The following GCAT variants were observed in gnomAD, a reference collection of about 807,000 sequenced individuals.
The protein encoded by GCAT is 2-amino-3-ketobutyrate coenzyme A ligase, mitochondrial.
A neutral mutation model predicts 39.7 loss-of-function variants in GCAT; 26 were observed. The observed-to-expected ratio is 0.65, with a 90% CI of 0.48 to 0.91. The LOEUF (loss-of-function observed/expected upper bound fraction) is 0.91, where lower values mean the gene tolerates loss of function less well. Among genes scored for constraint, GCAT ranks in the 40% least tolerant of loss-of-function variants. The pLI is 0.00. For synonymous variants in GCAT, 218 were observed against 237.2 expected (o/e 0.92, Z 0.74); for missense variants, 550 against 576.2 (o/e 0.95, Z 0.47).
chr22:37,815,500 G>A lies in GCAT; in HGVS notation c.814G>A (p.Gly272Arg), dbSNP rs768484907. 2 of 1,604,420 alleles carry A rather than the reference G, an allele frequency of 1.2e-6. No individual in the cohort carries two copies. Among genetic ancestry groups the A allele is most frequent in the Admixed American group, 3.4e-5 (2 of 59,100 alleles). The change falls in exon 6 of 9, where the codon GGG (glycine) becomes AGG (arginine). Residue 272 changes from glycine (G) to arginine (R), a missense_variant and splice_region_variant. Physicochemically the swap from Gly to Arg is moderately radical, Grantham distance 125 (BLOSUM62 -2). This residue lies in a region of GCAT where 378 missense variants were observed against 390.4 expected (regional missense o/e 0.97). Transcript: ENST00000248924. The stretch of plus-strand genomic sequence containing the variant: ...GGGGAAGGCCCTGGGTGGAGCATCA[G>A]GTACCTGCAAGGTTGTGTCCCTGGG... ...TLGKALGGASGGYTTGPGPLV... is the reference protein window; with the variant it reads ...TLGKALGGASRGYTTGPGPLV...
chr22:37,808,729 C>G (rs1191655915), intron 1 of GCAT, among the ~76,000 whole-genome samples: 1 of 152,114 alleles, frequency 6.6e-6, no homozygotes, highest in Non-Finnish European at 1.5e-5. Context: ...CTCTGTCGCC[C>G]AGGCTGGAGT....
downstream of GCAT, chr22:37,817,005 C>A: frequency 4.0e-5 from 13 of 327,444 alleles, no homozygotes; most frequent in South Asian, 9.6e-5. Context: ...CTGCAGATCT[C>A]CACTGACCTC....
At chr22:37,808,372 G>C (rs1003802280) in intron 1 of GCAT, among the ~76,000 whole-genome samples, 1 of 152,234 alleles carries the variant, frequency 6.6e-6, no homozygotes, top group Non-Finnish European at 1.5e-5. Flanking sequence ...AAGAAAACCC[G>C]CATTTCTTGA....
intron 2 of GCAT, among the ~76,000 whole-genome samples, chr22:37,811,540 A>C (rs1921594253): frequency 6.6e-6 from 1 of 151,680 alleles, no homozygotes; most frequent in Admixed American, 6.6e-5. Flanking sequence ...TGCTCAATGA[A>C]TGTTGGCTAT....
chr22:37,816,707 G>A lies in GCAT; in HGVS notation c.1249G>A (p.Ala417Thr). ...CGTGGAAGTGGGGCGACTGCACGGG[G>A]CACTGCCCTGAGCTCTGGGTAAGGA... ...AFVEVGRLHG[A>T]LP The change falls in exon 9 of 9, where the codon GCA becomes ACA. Residue 417 changes from alanine (A) to threonine (T), a missense_variant. Physicochemically the swap from Ala to Thr is moderately conservative, Grantham distance 58. This residue lies in a region of GCAT where 378 missense variants were observed against 390.4 expected (regional missense o/e 0.97). Transcript: ENST00000248924. 6.2e-7 allele frequency: 1 copy of A among 1,613,972 alleles called. No individual in the cohort carries two copies. Among genetic ancestry groups the A allele is most frequent in the African/African-American group, 1.3e-5 (1 of 75,068 alleles).
chr22:37,813,351 C>A, intron 3 of GCAT, 112 bp from the exon 4 acceptor site: 1 of 1,215,026 alleles, frequency 8.2e-7, no homozygotes, highest in Non-Finnish European at 1.2e-6. Context: ...TGCCTCTCTA[C>A]CCAGAGGAGC....
chr22:37,817,053 G>A (rs891877291), downstream of GCAT: 13 of 238,708 alleles, frequency 5.4e-5, no homozygotes, highest in Admixed American at 4.6e-5. Context: ...GGCCGGGCAC[G>A]GTGGCTCAGG....
intron 2 of GCAT, among the ~76,000 whole-genome samples, chr22:37,810,849 C>T (rs979790823): frequency 2.6e-5 from 4 of 152,040 alleles, no homozygotes; most frequent in African/African-American, 7.2e-5. Context: ...TGGGGTTTCA[C>T]CATGTTGGCC....
rs777361258 is a variant in GCAT, at chr22:37,808,162, A to C, written c.195A>C (p.Gly65=). 4 of 1,492,876 alleles carry C rather than the reference A, an allele frequency of 2.7e-6. No individual in the cohort carries two copies. In the South Asian group the frequency reaches 3.9e-5, roughly 15 times the overall value. The allele number at this position is 1,492,876 out of a possible 1,614,324, so 92.5% of individuals were successfully genotyped here. Residue 65 remains glycine, a splice_region_variant and synonymous_variant, in exon 1 of 9, where the codon GGA becomes GGC. Transcript: ENST00000248924. ...ACATCCGCGTGGACGGCGTCTCCGGAGGTAACGCTCCGTTCCGGGAGTCGT... is the reference window on the plus strand; with the variant it reads ...ACATCCGCGTGGACGGCGTCTCCGGCGGTAACGCTCCGTTCCGGGAGTCGT... ...GPHIRVDGVS[G]GILNFCANNY... is the part of the protein sequence containing the mutation.
chr22:37,816,353 G>T, intron 8 of GCAT, 32 bp downstream of exon 8: 1 of 1,605,020 alleles, frequency 6.2e-7, no homozygotes. Context: ...AACTGGTGGT[G>T]GGTCCTGAGA....
chr22:37,811,575 ATAAATT>A (rs1921598466), intron 2 of GCAT, among the ~76,000 whole-genome samples: 1 of 152,000 alleles, frequency 6.6e-6, no homozygotes, highest in African/African-American at 2.4e-5. Context: ...ATGTTACAAA[ATAAATT>A]TATATAAGTA....
At chr22:37,810,217 C>G in intron 2 of GCAT, 60 bp downstream of exon 2, 2 of 1,293,846 alleles carry the variant, frequency 1.5e-6, no homozygotes, top group Non-Finnish European at 2.2e-6. Context: ...TTCCCACAGT[C>G]AGCAAGGCTG....
At chr22:37,808,217 A>T in intron 1 of GCAT, 54 bp downstream of exon 1, 563 of 1,292,370 alleles carry the variant, frequency 4.4e-4, no homozygotes, top group Middle Eastern at 5.3e-4. Context: ...TTGCGCTGGA[A>T]TGGAGGTCCT....
Position 37,816,259 on chromosome 22 carries a change from G to T in GCAT, c.1046G>T (p.Cys349Phe), listed in dbSNP as rs764160596. The change falls in exon 8 of 9, where the codon TGC (cysteine) becomes TTC (phenylalanine). Residue 349 changes from cysteine to phenylalanine, a missense_variant. Cys to Phe is a radical substitution (Grantham distance 205). Coordinates refer to ENST00000248924, the MANE Select transcript of GCAT (RefSeq NM_014291.4). ...ATCTCGGGAGCCAGTCACCCCATCT[G>T]CCCTGTGATGCTGGGTGATGCCCGG... is the stretch of plus-strand genomic sequence containing the variant. The part of the protein sequence containing the change: ...FTISGASHPI[C>F]PVMLGDARLA... The T allele has an allele frequency of 3.1e-6, 5 of 1,613,182 alleles. No homozygotes were observed. The African/African-American group carries it at 6.7e-5, about 22-fold the overall frequency.
intron 1 of GCAT, among the ~76,000 whole-genome samples, chr22:37,809,677 C>T (rs190148635): frequency 3.3e-5 from 5 of 152,074 alleles, no homozygotes; most frequent in African/African-American, 9.6e-5. Context: ...AAAATTTAAT[C>T]GGGCATGGTG....
chr22:37,808,252 C>T (rs2071910), intron 1 of GCAT, 89 bp downstream of exon 1: 319,265 of 1,042,054 alleles, frequency 0.31, 51,080 homozygotes, highest in East Asian at 0.38. Flanking sequence ...GCGGCTCCTA[C>T]ACTCTTAGCT....
intron 2 of GCAT, among the ~76,000 whole-genome samples, chr22:37,812,451 G>A (rs769522648): frequency 1.2e-4 from 18 of 152,080 alleles, no homozygotes; most frequent in South Asian, 2.1e-4. Flanking sequence ...CTCCTGACTC[G>A]CATCCAGTCA....
At chr22:37,812,244 A>C (rs1329697704) in intron 2 of GCAT, among the ~76,000 whole-genome samples, 2 of 151,902 alleles carry the variant, frequency 1.3e-5, no homozygotes, top group Non-Finnish European at 2.9e-5. Context: ...GGGGAGGCTG[A>C]GTTGGGAGGA....
Position 37,816,283 on chromosome 22 carries a change from G to T in GCAT, c.1070G>T (p.Arg357Leu), listed in dbSNP as rs376539000. ...PICPVMLGDA[R>L]LASRMADDML... ...TGCCCTGTGATGCTGGGTGATGCCC[G>T]GCTGGCCTCTCGCATGGCGGATGAC... Residue 357 changes from arginine to leucine, a missense_variant, in exon 8 of 9, where the codon CGG becomes CTG. Arg to Leu is a moderately radical substitution (Grantham distance 102, BLOSUM62 -2). Coordinates refer to ENST00000248924, the MANE Select transcript of GCAT (RefSeq NM_014291.4). 3.7e-6 allele frequency: 6 copies of T among 1,612,912 alleles called. No individual in the cohort carries two copies. The East Asian group carries it at 1.3e-4, about 36-fold the overall frequency.
Sources: allele counts gnomAD v4.1 joint callset (sites outside exome capture counted in the v4.1 genomes callset), GRCh38; gene constraint gnomAD v4.1.1; regional missense constraint gnomAD v4.1.1; transcripts MANE v1.5; gene names NCBI Gene and HGNC (gene_info 2026-07-23, HGNC 2026-07-21).